The following FKBP5 variants were observed in gnomAD, a reference collection of about 807,000 sequenced individuals.
FKBP5 encodes the protein FKBP prolyl isomerase 5.
A neutral mutation model predicts 50.5 loss-of-function variants in FKBP5; 23 were observed. The ratio of observed to expected loss-of-function variants is 0.46; its 90% confidence interval spans 0.33 to 0.65. The LOEUF is 0.65. Ranked by LOEUF, FKBP5 falls within the 30% of genes least tolerant of loss-of-function variation. FKBP5 has a pLI of 0.02. For missense variants in FKBP5, 411 were observed against 553.1 expected, an observed-to-expected ratio of 0.74 and a Z score of 2.58; for synonymous variants, 176 against 190.6, an observed-to-expected ratio of 0.92 and a Z score of 0.63.
chr6:35,644,157 A>G (rs928217186), intron 1 of FKBP5, among the ~76,000 whole-genome samples: 1 of 152,200 alleles, frequency 6.6e-6, no homozygotes. Context: ...CCTGACAGAC[A>G]TTTTTTCATG....
intron 8 of FKBP5, chr6:35,582,727 T>A: frequency 1.0e-6 from 1 of 985,146 alleles, no homozygotes; most frequent in Non-Finnish European, 1.2e-6. Context: ...CTTTTTTGGA[T>A]GCTACAAAAA....
intron 3 of FKBP5, among the ~76,000 whole-genome samples, chr6:35,623,110 C>T (rs1763895193): frequency 1.3e-5 from 2 of 152,154 alleles, no homozygotes; most frequent in African/African-American, 4.8e-5. Flanking sequence ...GGCGTGGTGG[C>T]TAGCGCCTGT....
chr6:35,683,632 ATT>A (rs777451189), intron 1 of FKBP5, among the ~76,000 whole-genome samples: 15 of 109,362 alleles, frequency 1.4e-4, no homozygotes, highest in Middle Eastern at 5.4e-3. Context: ...TGACTGGCTA[ATT>A]TTTTTTTTTT....
At chr6:35,626,999 T>C (rs1351585980) in intron 3 of FKBP5, among the ~76,000 whole-genome samples, 1 of 152,236 alleles carries the variant, frequency 6.6e-6, no homozygotes. Context: ...TGCCCACAAG[T>C]AGAACTGCTA....
chr6:35,685,379 T>A lies in FKBP5; in HGVS notation c.-20+3425A>T, dbSNP rs143056000. ...CCACCACCACCCAGTCGCTACTGAA[T>A]GTAGATTTAATTTTCTTTATACTTT... On this transcript the variant is annotated intron_variant, in intron 1 of 10. Coordinates refer to ENST00000357266, the MANE Select transcript of FKBP5 (RefSeq NM_004117.4). 2.4e-3 allele frequency among the ~76,000 whole-genome samples: 373 copies of A among 152,304 alleles called. 2 individuals are homozygous for A. Among genetic ancestry groups the A allele is most frequent in the African/African-American group, 8.5e-3 (355 of 41,566 alleles).
In FKBP5 at chr6:35,582,135, C is replaced by T. The variant is rs768206008; in HGVS notation, c.841-1914G>A. On this transcript the variant is annotated intron_variant, in intron 8 of 10. Transcript: ENST00000357266. ...TGAGGGCCAGGCTACATCCCTCGAA[C>T]ATCCTTCTTCCCAAGTCACTCACTT... The T allele has an allele frequency of 9.1e-6, 9 of 985,048 alleles. 1 individual carries two copies. In the South Asian group the frequency reaches 1.9e-4, roughly 21 times the overall value. The allele number at this position is 985,048 out of a possible 1,614,324, so 61.0% of individuals were successfully genotyped here. A position where few individuals can be genotyped will look rare whatever the true frequency, so the allele number is the denominator to read the frequency against.
intron 2 of FKBP5, among the ~76,000 whole-genome samples, chr6:35,712,185 T>G (rs1047607091): frequency 6.6e-6 from 1 of 152,078 alleles, no homozygotes; most frequent in East Asian, 1.9e-4. Flanking sequence ...CCTCTCTGTA[T>G]TTTCTAGAAA....
intron 1 of FKBP5, among the ~76,000 whole-genome samples, chr6:35,665,999 A>G (rs1053542386): frequency 7.2e-5 from 11 of 152,198 alleles, no homozygotes; most frequent in Admixed American, 2.6e-4. Context: ...GATGTTCAGT[A>G]AGTTAGGTAT....
chr6:35,704,507 A>T (rs1315072855), intron 2 of FKBP5, among the ~76,000 whole-genome samples: 1 of 152,206 alleles, frequency 6.6e-6, no homozygotes, highest in African/African-American at 2.4e-5. Context: ...TTTAGCTCCT[A>T]AGACAATCTC....
intron 5 of FKBP5, among the ~76,000 whole-genome samples, chr6:35,602,797 G>A (rs961716291): frequency 1.3e-5 from 2 of 152,086 alleles, no homozygotes; most frequent in Non-Finnish European, 2.9e-5. Flanking sequence ...GCTAACAGGC[G>A]TGGAACCTGG....
At chr6:35,720,032 A>C (rs1766583394) in intron 2 of FKBP5, among the ~76,000 whole-genome samples, 1 of 152,202 alleles carries the variant, frequency 6.6e-6, no homozygotes. Flanking sequence ...TTTGCTTTAA[A>C]ACTAGAAGCA....
At chr6:35,688,918 C>G (rs1765922401), upstream of FKBP5, 1 of 151,872 alleles carries the variant, frequency 6.6e-6, no homozygotes, top group Non-Finnish European at 1.5e-5. Flanking sequence ...CCGAGACTGG[C>G]AGCGCCCGCG....
At chr6:35,643,118 A>C (rs1461348401) in intron 1 of FKBP5, among the ~76,000 whole-genome samples, 1 of 152,218 alleles carries the variant, frequency 6.6e-6, no homozygotes, top group African/African-American at 2.4e-5. Flanking sequence ...ATTCCTTAAC[A>C]TAACATGGTG....
At chr6:35,596,258 G>A (rs1457364421) in intron 6 of FKBP5, among the ~76,000 whole-genome samples, 4 of 152,032 alleles carry the variant, frequency 2.6e-5, no homozygotes, top group African/African-American at 7.2e-5. Flanking sequence ...GGGAGGCTGA[G>A]GCAGGAAAAT....
chr6:35,614,675 C>T (rs1477210949), intron 5 of FKBP5, among the ~76,000 whole-genome samples: 2 of 152,112 alleles, frequency 1.3e-5, no homozygotes, highest in East Asian at 3.9e-4. Context: ...CTTACATATA[C>T]ACTAGGATGG....
chr6:35,679,691 T>C (rs895982450), intron 1 of FKBP5, among the ~76,000 whole-genome samples: 1 of 152,182 alleles, frequency 6.6e-6, no homozygotes, highest in Non-Finnish European at 1.5e-5. Flanking sequence ...AAATACTGCA[T>C]GTTCTCACCT....
In FKBP5 at chr6:35,720,593, G is replaced by A. The variant is rs558209919; in HGVS notation, c.-240-45C>T. Reference sequence around the variant, plus strand: ...GATGTGTCAATGCAGGATCCTAGCAGAGGAGTGACAGGCTGAGTAAAGGGA... The same window carrying A: ...GATGTGTCAATGCAGGATCCTAGCAAAGGAGTGACAGGCTGAGTAAAGGGA... On this transcript the variant is annotated intron_variant, in intron 1 of 11. Coordinates refer to the FKBP5 transcript ENST00000536438. The A allele has an allele frequency of 2.0e-5, 3 of 152,428 alleles. No homozygotes were observed. In the South Asian group the frequency reaches 6.2e-4, roughly 32 times the overall value. 9.4% of individuals were successfully genotyped at this position (152,428 alleles called of 1,614,324 possible).
chr6:35,721,026 G>C (rs1483950862), intron 1 of FKBP5, among the ~76,000 whole-genome samples: 2 of 152,160 alleles, frequency 1.3e-5, no homozygotes, highest in Non-Finnish European at 2.9e-5. Context: ...ATGGAACACA[G>C]AGCATGTCCA....
rs76326103 is a variant in FKBP5 at position 35,601,852 on chromosome 6, T to G, written c.509-4448A>C. 7.3e-3 allele frequency among the ~76,000 whole-genome samples: 1,105 copies of G among 152,092 alleles called. 11 individuals are homozygous for G. The highest frequency in any genetic ancestry group is 0.023 in the African/African-American group (954 of 41,496). ...AGGGCTTTTTTGGTAGAGAAAGAAA[T>G]AAACAAGTTAAAAAGAGACAACATT... is the stretch of plus-strand genomic sequence containing the variant. On this transcript the variant is annotated intron_variant, in intron 5 of 10. Transcript: ENST00000357266.
Sources: gnomAD v4.1 joint callset for allele counts (sites outside exome capture counted in the v4.1 genomes callset) on GRCh38, gnomAD v4.1.1 for gene constraint, MANE v1.5 for transcripts, NCBI Gene and HGNC (gene_info 2026-07-23, HGNC 2026-07-21) for gene names.